Variants in KNTC1 observed in about 807,000 individuals in gnomAD.
KNTC1 encodes the protein kinetochore associated 1, also known as kinetochore-associated protein 1.
KNTC1 carries 253 observed loss-of-function variants against 314.4 expected under a neutral mutation model. The ratio of observed to expected loss-of-function variants is 0.80; its 90% CI spans 0.73 to 0.89. The LOEUF is 0.89. KNTC1 is among the 40% of genes least tolerant of loss of function. KNTC1 has a pLI of 0.00. For synonymous variants in KNTC1, 901 were observed against 901.4 expected, an observed-to-expected ratio of 1.00 and a Z score of 0.01; for missense variants, 2,475 against 2,572.9, an observed-to-expected ratio of 0.96 and a Z score of 0.82.
In KNTC1 at chr12:122,601,639, A is replaced by G; in HGVS notation, c.4653+14A>G. On this transcript the variant is annotated intron_variant, in intron 45 of 63. Coordinates refer to ENST00000333479, the MANE Select transcript of KNTC1 (RefSeq NM_014708.6). ...AATATTAATCAGGTATAACAAATAT[A>G]TCAAAGATGTAAAAATCATCTTTCT... The G allele has an allele frequency of 6.8e-7, 1 of 1,469,882 alleles. No individual in the cohort carries two copies. Among genetic ancestry groups the G allele is most frequent in the Non-Finnish European group, 9.0e-7 (1 of 1,111,272 alleles). The allele number at this position is 1,469,882 out of a possible 1,614,324, so 91.1% of individuals were successfully genotyped here.
rs139233141 is a variant in KNTC1, at chr12:122,605,139, C to T, written c.5386+52C>T. On this transcript the variant is annotated intron_variant, in intron 50 of 63. Coordinates refer to ENST00000333479, the MANE Select transcript of KNTC1 (RefSeq NM_014708.6). ...TCCAAGAAAAGCTATTATTTTGATT[C>T]TCAGTTTTATGTATATATGTACGTG... The T allele has an allele frequency of 2.0e-6, 3 of 1,483,396 alleles. No homozygotes were observed. In the East Asian group the frequency reaches 7.3e-5, roughly 36 times the overall value. The allele number at this position is 1,483,396 out of a possible 1,614,324, so 91.9% of individuals were successfully genotyped here. A position where few individuals can be genotyped will look rare whatever the true frequency, so the allele number is the denominator to read the frequency against.
In KNTC1 at chr12:122,615,352, T is replaced by C. The variant is rs180928542; in HGVS notation, c.5974-118T>C. On this transcript the variant is annotated intron_variant, in intron 56 of 63. Transcript: ENST00000333479. Reference sequence around the variant, plus strand: ...CTTGTAAGTGAACTTCTCTGGCAGTTATCATGGAAGATAACGTTTTACCAG... The same window carrying C: ...CTTGTAAGTGAACTTCTCTGGCAGTCATCATGGAAGATAACGTTTTACCAG... The C allele has an allele frequency of 3.6e-4, 323 of 893,730 alleles. No individual in the cohort carries two copies. In the African/African-American group the frequency reaches 4.7e-3, roughly 13 times the overall value. 55.4% of individuals were successfully genotyped at this position (893,730 alleles called of 1,614,324 possible).
In KNTC1 at chr12:122,582,454, TA is replaced by T. The variant is rs1868552064; in HGVS notation, c.2983-250del. ...TGGATGGATGTAAACAACTGGGAAC[TA>T]CCTTGCTGAGGTGGGGAGGGGAGGA... On this transcript the variant is annotated intron_variant, in intron 33 of 63. Coordinates refer to ENST00000333479, the MANE Select transcript of KNTC1 (RefSeq NM_014708.6). 2.6e-5 allele frequency among the ~76,000 whole-genome samples: 4 copies of T among 151,958 alleles called. No homozygotes were observed. The South Asian group carries it at 8.3e-4, about 32-fold the overall frequency.
chr12:122,532,627 A>G (rs1207152313), intron 2 of KNTC1, among the ~76,000 whole-genome samples: 1 of 152,178 alleles, frequency 6.6e-6, no homozygotes, highest in Admixed American at 6.5e-5. Flanking sequence ...TCTGGTAGGA[A>G]CTAAAATTCT....
intron 27 of KNTC1, among the ~76,000 whole-genome samples, chr12:122,574,960 T>G (rs2137935005): frequency 6.6e-6 from 1 of 152,284 alleles, no homozygotes; most frequent in East Asian, 1.9e-4. Flanking sequence ...ATGAAAACTG[T>G]TTTTAAACCA....
intron 18 of KNTC1, among the ~76,000 whole-genome samples, chr12:122,558,389 T>C (rs1231175253): frequency 6.6e-6 from 1 of 151,574 alleles, no homozygotes; most frequent in African/African-American, 2.4e-5. Flanking sequence ...TTGTCTCTAC[T>C]AAAAATACAA....
At position 122,610,846 on chromosome 12, in the gene KNTC1, T is replaced by C. The variant is rs1466870897; in HGVS notation, c.5568T>C (p.Arg1856=). 6.2e-7 allele frequency: 1 copy of C among 1,613,228 alleles called. No homozygotes were observed. The highest frequency in any genetic ancestry group is 8.5e-7 in the Non-Finnish European group (1 of 1,179,402). The change falls in exon 53 of 64, where the codon CGT becomes CGC. Residue 1856 remains arginine, a synonymous_variant. Coordinates refer to ENST00000333479, the MANE Select transcript of KNTC1 (RefSeq NM_014708.6). ...GAGTGCAGTATCTCCTCCTGTCTCG[T>C]CCAATTGATTATAGTTCAAGAATGC... is the stretch of plus-strand genomic sequence containing the variant. ...LRRVQYLLLS[R]PIDYSSRMLF... is the part of the protein sequence containing the mutation.
At chr12:122,540,100 A>G (rs2137696473) in intron 5 of KNTC1, among the ~76,000 whole-genome samples, 1 of 151,928 alleles carries the variant, frequency 6.6e-6, no homozygotes, top group Middle Eastern at 3.4e-3. Context: ...ACTTCTGACT[A>G]ATATCCAATC....
chr12:122,532,397 TG>T (rs1217666578), intron 2 of KNTC1, among the ~76,000 whole-genome samples: 2 of 151,226 alleles, frequency 1.3e-5, no homozygotes, highest in African/African-American at 4.9e-5. Context: ...TTAGTAGAGA[TG>T]AGGCTTCACC....
intron 7 of KNTC1, 120 bp downstream of exon 7, chr12:122,543,754 A>G: frequency 1.6e-6 from 1 of 632,144 alleles, no homozygotes; most frequent in Non-Finnish European, 2.6e-6. Context: ...ATGATATAAC[A>G]TTTTAATAAC....
intron 34 of KNTC1, among the ~76,000 whole-genome samples, chr12:122,583,841 G>A (rs1868811617): frequency 6.6e-6 from 1 of 151,766 alleles, no homozygotes. Context: ...AAGAAAAACA[G>A]GCTGGGCACG....
At chr12:122,575,669 A>G (rs765424297) in intron 28 of KNTC1, 23 bp downstream of exon 28, 1 of 1,538,838 alleles carries the variant, frequency 6.5e-7, no homozygotes, top group Non-Finnish European at 8.9e-7. Context: ...TCTACGAAAC[A>G]ATGTTGTTAT....
At chr12:122,591,135 C>T (rs1593628664) in intron 41 of KNTC1, among the ~76,000 whole-genome samples, 1 of 151,972 alleles carries the variant, frequency 6.6e-6, no homozygotes, top group African/African-American at 2.4e-5. Context: ...TAAAGGAAAG[C>T]CAGGCTAAAT....
At chr12:122,532,466 C>G (rs1961436244) in intron 2 of KNTC1, among the ~76,000 whole-genome samples, 1 of 152,056 alleles carries the variant, frequency 6.6e-6, no homozygotes, top group South Asian at 2.1e-4. Context: ...CTCGGCCTCC[C>G]AAAGTTCTGG....
intron 44 of KNTC1, 65 bp downstream of exon 44, chr12:122,598,003 C>G: frequency 1.7e-6 from 2 of 1,185,958 alleles, no homozygotes; most frequent in Non-Finnish European, 2.5e-6. Flanking sequence ...TAATTAGATA[C>G]ATTAGTAACA....
In KNTC1 at chr12:122,557,436, C is replaced by T. The variant is rs752704050; in HGVS notation, c.1325C>T (p.Ser442Phe). 3 of 1,613,160 alleles carry T rather than the reference C, an allele frequency of 1.9e-6. No individual in the cohort carries two copies. The highest frequency in any genetic ancestry group is 2.5e-6 in the Non-Finnish European group (3 of 1,179,178). The change falls in exon 17 of 64, where the codon TCT becomes TTT. Residue 442 changes from serine to phenylalanine, a missense_variant. Ser to Phe is a radical substitution (Grantham distance 155). Transcript: ENST00000333479. ...NHILEKLALS[S>F]VDASEQTEWQ... ...ATATTGGAGAAACTGGCATTGAGTT[C>T]TGTGGATGCCAGTGAACAGACCGAA... is the stretch of plus-strand genomic sequence containing the variant.
At chr12:122,563,609 T>A in intron 20 of KNTC1, 2 of 412,392 alleles carry the variant, frequency 4.8e-6, no homozygotes, top group Non-Finnish European at 7.7e-6. Flanking sequence ...CCCAGGAATT[T>A]TTTCACTGCG....
At chr12:122,570,822 A>T in intron 22 of KNTC1, 54 bp from the exon 23 acceptor site, 1 of 1,077,540 alleles carries the variant, frequency 9.3e-7, no homozygotes, top group South Asian at 1.4e-5. Flanking sequence ...GGAGGTTTTT[A>T]GTTATGTCAG....
At chr12:122,595,572 A>C (rs1176224447) in intron 43 of KNTC1, among the ~76,000 whole-genome samples, 1 of 152,200 alleles carries the variant, frequency 6.6e-6, no homozygotes, top group Non-Finnish European at 1.5e-5. Flanking sequence ...ATAGTGGGGA[A>C]AGACCGTGGC....
Sources: gnomAD v4.1 joint callset for allele counts (sites outside exome capture counted in the v4.1 genomes callset) on GRCh38, gnomAD v4.1.1 for gene constraint, MANE v1.5 for transcripts, NCBI Gene and HGNC (gene_info 2026-07-23, HGNC 2026-07-21) for gene names.